The following CDH18 variants were observed in gnomAD, a reference collection of about 807,000 sequenced individuals.
CDH18 encodes the protein cadherin-18.
In CDH18, 31 loss-of-function variants were observed where a neutral mutation model predicts 67.9. The observed-to-expected ratio is 0.46, with a 90% CI of 0.34 to 0.62. The LOEUF is 0.62. CDH18 is among the 20% of genes least tolerant of loss of function. The probability of loss-of-function intolerance (pLI) is 0.01; values close to 1 mark genes in which losing one functional copy is unlikely to be tolerated. For synonymous variants in CDH18, 362 were observed against 347.2 expected (o/e 1.04, Z -0.48); for missense variants, 890 against 975.5 (o/e 0.91, Z 1.17).
intron 3 of CDH18, among the ~76,000 whole-genome samples, chr5:19,807,301 T>C (rs1778139975): frequency 6.6e-6 from 1 of 152,076 alleles, no homozygotes; most frequent in African/African-American, 2.4e-5. Context: ...CTGCAGATCC[T>C]GCACATAAAA....
chr5:20,429,072 C>A (rs1748543147), intron 1 of CDH18, among the ~76,000 whole-genome samples: 1 of 142,892 alleles, frequency 7.0e-6, no homozygotes, highest in South Asian at 2.3e-4. Flanking sequence ...TTTGCTGATA[C>A]CTCTTTTTTT....
At chr5:20,473,612 T>C (rs2150243729) in intron 1 of CDH18, among the ~76,000 whole-genome samples, 1 of 152,248 alleles carries the variant, frequency 6.6e-6, no homozygotes, top group East Asian at 1.9e-4. Context: ...GGATAAGTAT[T>C]TCCTGTTACA....
intron 3 of CDH18, among the ~76,000 whole-genome samples, chr5:19,834,919 G>A (rs534545915): frequency 2.0e-5 from 3 of 152,098 alleles, no homozygotes; most frequent in Non-Finnish European, 4.4e-5. Flanking sequence ...TTACACTGTC[G>A]ATGGGAATGT....
At chr5:19,731,760 A>G (rs1452606949) in intron 4 of CDH18, among the ~76,000 whole-genome samples, 1 of 152,190 alleles carries the variant, frequency 6.6e-6, no homozygotes, top group Non-Finnish European at 1.5e-5. Flanking sequence ...CTTCCATTTT[A>G]CTTAATGAAG....
intron 2 of CDH18, among the ~76,000 whole-genome samples, chr5:20,175,258 A>T (rs1033710267): frequency 3.3e-5 from 5 of 152,156 alleles, no homozygotes; most frequent in African/African-American, 9.6e-5. Context: ...AACATAAGCA[A>T]CCTATTCCAG....
intron 4 of CDH18, among the ~76,000 whole-genome samples, chr5:19,731,011 C>T (rs1434447826): frequency 1.3e-5 from 2 of 152,130 alleles, no homozygotes; most frequent in Non-Finnish European, 2.9e-5. Flanking sequence ...TCTCTAGAGT[C>T]ACTTGCCTTA....
intron 1 of CDH18, among the ~76,000 whole-genome samples, chr5:20,536,407 G>A (rs1474765654): frequency 6.6e-6 from 1 of 152,110 alleles, no homozygotes; most frequent in African/African-American, 2.4e-5. Flanking sequence ...TGCAATACCA[G>A]TGAGAAAAAA....
chr5:20,327,090 T>C (rs1325061879), intron 1 of CDH18, among the ~76,000 whole-genome samples: 1 of 152,182 alleles, frequency 6.6e-6, no homozygotes, highest in South Asian at 2.1e-4. Flanking sequence ...TTCAGGGAGC[T>C]ATAACTATGT....
chr5:20,279,077 G>A (rs971333088), intron 1 of CDH18, among the ~76,000 whole-genome samples: 1 of 151,994 alleles, frequency 6.6e-6, no homozygotes, highest in Middle Eastern at 3.2e-3. Context: ...GAATGTAAAT[G>A]GGCTAAACTA....
chr5:20,002,352 G>C (rs1736517164), intron 2 of CDH18, among the ~76,000 whole-genome samples: 1 of 152,148 alleles, frequency 6.6e-6, no homozygotes, highest in African/African-American at 2.4e-5. Context: ...TTTGGATAGA[G>C]ACTAACTTCA....
chr5:19,530,218 A>T (rs1748375691), intron 9 of CDH18, among the ~76,000 whole-genome samples: 1 of 152,136 alleles, frequency 6.6e-6, no homozygotes, highest in African/African-American at 2.4e-5. Flanking sequence ...ATCCATTGTA[A>T]ATTCATATTA....
chr5:19,910,487 T>C (rs1561543803), intron 2 of CDH18, among the ~76,000 whole-genome samples: 1 of 152,196 alleles, frequency 6.6e-6, no homozygotes. Flanking sequence ...CCCTTATATG[T>C]AAGTTCACTT....
intron 2 of CDH18, among the ~76,000 whole-genome samples, chr5:20,206,443 A>C (rs1331265895): frequency 2.0e-5 from 3 of 151,948 alleles, no homozygotes; most frequent in African/African-American, 7.2e-5. Flanking sequence ...AAGTCTTCAA[A>C]AAAAAATTAA....
intron 2 of CDH18, among the ~76,000 whole-genome samples, chr5:20,000,933 G>A (rs1041281864): frequency 2.0e-5 from 3 of 152,158 alleles, no homozygotes; most frequent in Non-Finnish European, 4.4e-5. Flanking sequence ...TTAGTAAAAT[G>A]TAACTTTATA....
intron 2 of CDH18, among the ~76,000 whole-genome samples, chr5:20,124,127 T>C (rs1748622131): frequency 6.6e-6 from 1 of 152,170 alleles, no homozygotes; most frequent in Non-Finnish European, 1.5e-5. Context: ...TACTCAGTAT[T>C]ACTGAAGTGA....
At chr5:19,688,086 C>T (rs77198549) in intron 5 of CDH18, among the ~76,000 whole-genome samples, 3,230 of 152,292 alleles carry the variant, frequency 0.021, 88 homozygotes, top group African/African-American at 0.061. Flanking sequence ...ATTAACACCA[C>T]AGCATGCTGC....
chr5:20,026,972 A>G (rs775558362), intron 2 of CDH18, among the ~76,000 whole-genome samples: 3 of 151,964 alleles, frequency 2.0e-5, no homozygotes, highest in Non-Finnish European at 4.4e-5. Context: ...AAAAAAAAAT[A>G]AATAAAATAA....
intron 1 of CDH18, among the ~76,000 whole-genome samples, chr5:20,421,112 T>A (rs1216423610): frequency 6.6e-6 from 1 of 151,122 alleles, no homozygotes; most frequent in Admixed American, 6.6e-5. Flanking sequence ...CCTTGTTTAA[T>A]GCTGTCACCA....
chr5:19,964,008 G>A (rs556598980), intron 2 of CDH18, among the ~76,000 whole-genome samples: 45 of 151,892 alleles, frequency 3.0e-4, no homozygotes, highest in Non-Finnish European at 5.9e-4. Flanking sequence ...CTCCTACCAG[G>A]TCCTTCCCTC....
Sources: allele counts gnomAD v4.1 joint callset (sites outside exome capture counted in the v4.1 genomes callset), GRCh38; gene constraint gnomAD v4.1.1; transcripts MANE v1.5; gene names NCBI Gene and HGNC (gene_info 2026-07-23, HGNC 2026-07-21).